Variants in DGAT2L6 observed in about 807,000 individuals in gnomAD.
The protein encoded by DGAT2L6 is diacylglycerol O-acyltransferase 2 like 6, also known as diacylglycerol O-acyltransferase 2-like protein 6.
Under a neutral mutation model 25.5 loss-of-function variants are expected in DGAT2L6, and 22 were observed. That is an observed-to-expected ratio of 0.86 (90% CI 0.62 to 1.23). The LOEUF is 1.23. DGAT2L6 is among the 50% of genes most tolerant of loss of function. The pLI, the probability that DGAT2L6 is intolerant of heterozygous loss-of-function variation, is 0.00. For synonymous variants in DGAT2L6, 100 were observed against 94.7 expected, an observed-to-expected ratio of 1.06 and a Z score of -0.32; for missense variants, 287 against 253.2, an observed-to-expected ratio of 1.13 and a Z score of -0.91.
At chrX:70,182,467 A>ATTTTTT (rs1569427581) in intron 1 of DGAT2L6, among the ~76,000 whole-genome samples, 2 of 63,471 alleles carry the variant, frequency 3.2e-5, no homozygotes, top group African/African-American at 1.7e-4. Flanking sequence ...TTTCAAAAGC[A>ATTTTTT]TCTTTTTTTT....
At chrX:70,202,152 G>A (rs2147610975) in intron 5 of DGAT2L6, 88 bp downstream of exon 5, 3 of 853,809 alleles carry the variant, frequency 3.5e-6, no homozygotes, top group African/African-American at 2.1e-5. Context: ...CTGGGCACCT[G>A]TTAGAGGGCC....
At chrX:70,186,045 C>T (rs2085358858) in intron 1 of DGAT2L6, among the ~76,000 whole-genome samples, 1 of 111,685 alleles carries the variant, frequency 9.0e-6, no homozygotes, top group Non-Finnish European at 1.9e-5. Flanking sequence ...TGCCTATATC[C>T]TTACACACAC....
intron 1 of DGAT2L6, among the ~76,000 whole-genome samples, chrX:70,195,918 G>C (rs1369096155): frequency 9.0e-6 from 1 of 111,086 alleles, no homozygotes; most frequent in Non-Finnish European, 1.9e-5. Context: ...TTATATGCTT[G>C]AAATTTGCTG....
chrX:70,191,704 A>G (rs910455584), intron 1 of DGAT2L6, among the ~76,000 whole-genome samples: 1 of 111,993 alleles, frequency 8.9e-6, no homozygotes, highest in Non-Finnish European at 1.9e-5. Context: ...AGATCAACTC[A>G]AAGAAGAATA....
intron 1 of DGAT2L6, among the ~76,000 whole-genome samples, chrX:70,188,466 T>A (rs895741455): frequency 8.9e-6 from 1 of 111,785 alleles, no homozygotes; most frequent in Admixed American, 9.5e-5. Flanking sequence ...ATCACTATAA[T>A]CTTAATTTTA....
intron 1 of DGAT2L6, among the ~76,000 whole-genome samples, chrX:70,193,169 T>C (rs1039785413): frequency 3.6e-5 from 4 of 110,059 alleles, no homozygotes; most frequent in Non-Finnish European, 7.6e-5. Flanking sequence ...AATACAAAAA[T>C]TAGCCAGGCA....
chrX:70,196,017 T>C (rs1199514), intron 1 of DGAT2L6, among the ~76,000 whole-genome samples: 13,089 of 111,291 alleles, frequency 0.12, 1,162 homozygotes, highest in African/African-American at 0.3. Context: ...AATTTGATTG[T>C]TGTAATCATC....
intron 1 of DGAT2L6, among the ~76,000 whole-genome samples, chrX:70,184,188 G>C (rs1454080238): frequency 9.0e-6 from 1 of 111,430 alleles, no homozygotes; most frequent in Non-Finnish European, 1.9e-5. Context: ...AAACAGCATA[G>C]TACCTGCCTC....
chrX:70,197,454 A>AGACC (rs1433673587), intron 1 of DGAT2L6, among the ~76,000 whole-genome samples: 1 of 111,971 alleles, frequency 8.9e-6, no homozygotes, highest in East Asian at 2.8e-4. Flanking sequence ...AAGGGCTCTT[A>AGACC]GACCGCCTTT....
At chrX:70,185,869 TG>T (rs1205522056) in intron 1 of DGAT2L6, among the ~76,000 whole-genome samples, 2 of 99,410 alleles carry the variant, frequency 2.0e-5, no homozygotes, top group Admixed American at 1.0e-4. Context: ...TTTTTTGTTT[TG>T]TTTTTTTGTT....
At chrX:70,177,788 G>A in intron 1 of DGAT2L6, 121 bp downstream of exon 1, 1 of 609,789 alleles carries the variant, frequency 1.6e-6, no homozygotes. Flanking sequence ...GGAAGGATCT[G>A]GCTGGCACAA....
chrX:70,192,954 T>A (rs866761771), intron 1 of DGAT2L6, among the ~76,000 whole-genome samples: 173 of 111,648 alleles, frequency 1.5e-3, no homozygotes, highest in Non-Finnish European at 1.8e-3. Context: ...GAAATGCATA[T>A]GTTTCTAGAC....
At chrX:70,202,145 G>C in intron 5 of DGAT2L6, 81 bp downstream of exon 5, 1 of 923,221 alleles carries the variant, frequency 1.1e-6, no homozygotes, top group South Asian at 3.4e-5. Flanking sequence ...GCCCTCCCTG[G>C]GCACCTGTTA....
chrX:70,190,863 G>A (rs1388090052), intron 1 of DGAT2L6, among the ~76,000 whole-genome samples: 1 of 112,148 alleles, frequency 8.9e-6, no homozygotes, highest in Non-Finnish European at 1.9e-5. Context: ...CAGGAACCTG[G>A]CAGGAGGCAC....
chrX:70,205,137 C>T lies in DGAT2L6; in HGVS notation c.*31C>T. On this transcript the variant is annotated 3_prime_UTR_variant, in exon 7 of 7. Transcript: ENST00000333026. ...GCCACATTCCCCATTGATCAACCCCCAAAGCCATGAGGGATCCAAGTAGAG... is the reference window on the plus strand; with the variant it reads ...GCCACATTCCCCATTGATCAACCCCTAAAGCCATGAGGGATCCAAGTAGAG... 1.4e-5 allele frequency: 16 copies of T among 1,158,226 alleles called. No homozygotes were observed. Among genetic ancestry groups the T allele is most frequent in the Non-Finnish European group, 1.8e-5 (16 of 871,165 alleles).
chrX:70,187,456 C>T (rs1447780101), intron 1 of DGAT2L6, among the ~76,000 whole-genome samples: 1 of 110,911 alleles, frequency 9.0e-6, no homozygotes, highest in Non-Finnish European at 1.9e-5. Flanking sequence ...CCCTTCTAAG[C>T]CAGGGTTAGG....
intron 5 of DGAT2L6, among the ~76,000 whole-genome samples, chrX:70,203,741 A>G (rs772559832): frequency 6.0e-4 from 67 of 111,146 alleles, no homozygotes; most frequent in African/African-American, 2.0e-3. Context: ...GTGGTCAAAC[A>G]AAGTTGCTTT....
intron 1 of DGAT2L6, among the ~76,000 whole-genome samples, chrX:70,196,405 C>T (rs1569429113): frequency 9.7e-6 from 1 of 103,183 alleles, no homozygotes. Flanking sequence ...TCGCTTGAGC[C>T]CAGGAAGCGG....
chrX:70,203,255 G>A (rs754944595), intron 5 of DGAT2L6, among the ~76,000 whole-genome samples: 1 of 111,932 alleles, frequency 8.9e-6, no homozygotes, highest in East Asian at 2.8e-4. Context: ...TAAACTCCAC[G>A]AACACAGAAT....
Sources: gnomAD v4.1 joint callset for allele counts (sites outside exome capture counted in the v4.1 genomes callset) on GRCh38, gnomAD v4.1.1 for gene constraint, MANE v1.5 for transcripts, NCBI Gene and HGNC (gene_info 2026-07-23, HGNC 2026-07-21) for gene names.